Variants in DNAJC15 observed in about 807,000 individuals in gnomAD.
DNAJC15 encodes dnaJ homolog subfamily C member 15.
DNAJC15 carries 27 observed loss-of-function variants against 22.4 expected under a neutral mutation model. The ratio of observed to expected loss-of-function variants is 1.20; its 90% CI spans 0.89 to 1.66. The LOEUF (loss-of-function observed/expected upper bound fraction) is 1.66. Among genes scored for constraint, DNAJC15 ranks in the 40% most tolerant of loss-of-function variants. The pLI is 0.00. For missense variants in DNAJC15, 208 were observed against 187.1 expected, an observed-to-expected ratio of 1.11 and a Z score of -0.65; for synonymous variants, 79 against 63.2, an observed-to-expected ratio of 1.25 and a Z score of -1.19.
chr13:43,078,735 C>A, intron 4 of DNAJC15, 47 bp downstream of exon 4: 1 of 1,560,508 alleles, frequency 6.4e-7, no homozygotes, highest in South Asian at 1.2e-5. Flanking sequence ...CCAAGCTTGT[C>A]TTTAAAAAAG....
intron 5 of DNAJC15, among the ~76,000 whole-genome samples, chr13:43,102,609 C>CA (rs1372319619): frequency 1.3e-5 from 2 of 151,860 alleles, no homozygotes; most frequent in African/African-American, 4.8e-5. Context: ...AACTCCGTCT[C>CA]AAAAAATAAA....
chr13:43,024,641 G>A (rs1196018168), intron 1 of DNAJC15, among the ~76,000 whole-genome samples: 1 of 151,978 alleles, frequency 6.6e-6, no homozygotes. Context: ...ACCGCGTCCG[G>A]CATATTTTTA....
Position 43,078,476 on chromosome 13 carries a change from T to C in DNAJC15, c.235-136T>C. On this transcript the variant is annotated intron_variant, in intron 3 of 5. Coordinates refer to ENST00000379221, the MANE Select transcript of DNAJC15 (RefSeq NM_013238.3). ...TTTCTTGAAAAGTTTCATTGTTTGG[T>C]GCTTCCCCCCGCCCCATAATTTTGA... 3 of 550,908 alleles carry C rather than the reference T, an allele frequency of 5.4e-6. No homozygotes were observed. In the South Asian group the frequency reaches 1.1e-4, roughly 21 times the overall value. 34.1% of individuals were successfully genotyped at this position (550,908 alleles called of 1,614,324 possible).
At chr13:43,065,023 C>G (rs2040576831) in intron 1 of DNAJC15, among the ~76,000 whole-genome samples, 1 of 149,914 alleles carries the variant, frequency 6.7e-6, no homozygotes, top group Non-Finnish European at 1.5e-5. Context: ...ATCCTTGCCA[C>G]ATAAATCTTT....
chr13:43,102,008 A>G (rs1377720640), intron 5 of DNAJC15, among the ~76,000 whole-genome samples: 1 of 152,026 alleles, frequency 6.6e-6, no homozygotes, highest in Non-Finnish European at 1.5e-5. Context: ...TCTACATACT[A>G]TTTTCCGTAG....
chr13:43,097,659 C>CTTTA (rs2040746309), intron 5 of DNAJC15, among the ~76,000 whole-genome samples: 1 of 152,102 alleles, frequency 6.6e-6, no homozygotes, highest in African/African-American at 2.4e-5. Context: ...AGGTCTAGGC[C>CTTTA]CGGTACGGTG....
At chr13:43,056,734 CTG>C (rs1262599048) in intron 1 of DNAJC15, among the ~76,000 whole-genome samples, 6 of 152,172 alleles carry the variant, frequency 3.9e-5, no homozygotes, top group Admixed American at 2.6e-4. Flanking sequence ...TGGTATTTTC[CTG>C]TTGGACTGAT....
chr13:43,091,477 G>A (rs1450518947), intron 5 of DNAJC15, among the ~76,000 whole-genome samples: 1 of 152,040 alleles, frequency 6.6e-6, no homozygotes. Context: ...TTAGGAATTT[G>A]TTCATTTCAC....
At chr13:43,049,743 A>G (rs2806713) in intron 1 of DNAJC15, among the ~76,000 whole-genome samples, 2,749 of 152,216 alleles carry the variant, frequency 0.018, 72 homozygotes, top group African/African-American at 0.062. Flanking sequence ...TGAGTCATTC[A>G]TATATGTGGA....
chr13:43,081,540 G>A (rs1471484273), intron 4 of DNAJC15, among the ~76,000 whole-genome samples: 7 of 151,740 alleles, frequency 4.6e-5, no homozygotes, highest in South Asian at 4.2e-4. Context: ...CCAGGTTCAC[G>A]CCATTCTCCT....
chr13:43,059,201 G>A (rs1284229286), intron 1 of DNAJC15, among the ~76,000 whole-genome samples: 1 of 151,828 alleles, frequency 6.6e-6, no homozygotes, highest in Non-Finnish European at 1.5e-5. Flanking sequence ...TTTTCCTTCT[G>A]TAAAATAAGT....
chr13:43,059,045 T>G (rs2040544458), intron 1 of DNAJC15, among the ~76,000 whole-genome samples: 2 of 152,176 alleles, frequency 1.3e-5, no homozygotes, highest in Admixed American at 1.3e-4. Flanking sequence ...CCTGATATGT[T>G]TCTGGAGTAG....
At chr13:43,038,684 C>T (rs929041943) in intron 1 of DNAJC15, among the ~76,000 whole-genome samples, 5 of 150,922 alleles carry the variant, frequency 3.3e-5, no homozygotes, top group East Asian at 1.9e-4. Flanking sequence ...ACCAGCTACT[C>T]GGGAAGCTGA....
At chr13:43,034,203 T>C (rs1448471963) in intron 1 of DNAJC15, among the ~76,000 whole-genome samples, 2 of 151,434 alleles carry the variant, frequency 1.3e-5, no homozygotes, top group African/African-American at 4.9e-5. Flanking sequence ...AAAGTCACTT[T>C]GTGCAGCCCA....
intron 1 of DNAJC15, among the ~76,000 whole-genome samples, chr13:43,026,159 C>T (rs751860118): frequency 6.6e-5 from 10 of 152,136 alleles, no homozygotes; most frequent in Admixed American, 2.0e-4. Context: ...CTGGTAAAAA[C>T]TTGAACAAAA....
chr13:43,038,558 CAA>C (rs2040438926), intron 1 of DNAJC15, among the ~76,000 whole-genome samples: 1 of 152,028 alleles, frequency 6.6e-6, no homozygotes, highest in African/African-American at 2.4e-5. Context: ...TTTGGGAGGC[CAA>C]GGCGGGCAGA....
rs1322698105 is a variant in DNAJC15 at position 43,083,093 on chromosome 13, T to C, written c.312-2675T>C. On this transcript the variant is annotated intron_variant, in intron 4 of 5. Coordinates refer to ENST00000379221, the MANE Select transcript of DNAJC15 (RefSeq NM_013238.3). Reference sequence around the variant, plus strand: ...TGGAGTATTTGTTATTTTAAGGAGTTTACCTTTTTACAGTCATTTTTGGAG... The same window carrying C: ...TGGAGTATTTGTTATTTTAAGGAGTCTACCTTTTTACAGTCATTTTTGGAG... 2.0e-5 allele frequency among the ~76,000 whole-genome samples: 3 copies of C among 152,128 alleles called. No individual in the cohort carries two copies. The East Asian group carries it at 5.8e-4, about 29-fold the overall frequency.
chr13:43,078,804 G>A, intron 4 of DNAJC15, 116 bp downstream of exon 4: 1 of 755,840 alleles, frequency 1.3e-6, no homozygotes, highest in East Asian at 3.1e-5. Context: ...TGGCAGAGGA[G>A]AAAATATCAA....
chr13:43,057,503 T>G (rs188713248), intron 1 of DNAJC15, among the ~76,000 whole-genome samples: 1 of 152,200 alleles, frequency 6.6e-6, no homozygotes. Context: ...ATCCATATAC[T>G]GTATTATATT....
Sources: gnomAD v4.1 joint callset for allele counts (sites outside exome capture counted in the v4.1 genomes callset) on GRCh38, gnomAD v4.1.1 for gene constraint, MANE v1.5 for transcripts, NCBI Gene and HGNC (gene_info 2026-07-23, HGNC 2026-07-21) for gene names.